LMBR1: variants seen among roughly 807,000 people sequenced by gnomAD.
LMBR1 encodes the protein limb development membrane protein 1.
A neutral mutation model predicts 73.9 loss-of-function variants in LMBR1; 52 were observed. The observed-to-expected ratio is 0.70, with a 90% CI of 0.56 to 0.89. The LOEUF is 0.89. Ranked by LOEUF, LMBR1 falls within the 40% of genes least tolerant of loss-of-function variation. LMBR1 has a pLI of 0.00. For synonymous variants in LMBR1, 215 were observed against 209.4 expected, an observed-to-expected ratio of 1.03 and a Z score of -0.23; for missense variants, 539 against 579.8, an observed-to-expected ratio of 0.93 and a Z score of 0.72.
intron 9 of LMBR1, among the ~76,000 whole-genome samples, chr7:156,754,047 T>C (rs1264816716): frequency 6.6e-6 from 1 of 152,196 alleles, no homozygotes; most frequent in Non-Finnish European, 1.5e-5. Context: ...TAGTGCTTAA[T>C]TAAGATCCGT....
In LMBR1 at chr7:156,839,014, C is replaced by T. The variant is rs1163337670; in HGVS notation, c.67-2129G>A. 2.3e-5 allele frequency among the ~76,000 whole-genome samples: 3 copies of T among 133,276 alleles called. No homozygotes were observed. In the East Asian group the frequency reaches 6.5e-4, roughly 29 times the overall value. The allele number at this position is 133,276 out of a possible 152,430, so 87.4% of individuals were successfully genotyped here. ...ATATACCTATTGGCCATCTGTATGT[C>T]TTCTTTTGAGAAATATCTATTCTAG... On this transcript the variant is annotated intron_variant, in intron 1 of 16. Transcript: ENST00000353442.
chr7:156,745,804 G>A (rs963592582), intron 9 of LMBR1, among the ~76,000 whole-genome samples: 4 of 152,154 alleles, frequency 2.6e-5, no homozygotes, highest in Non-Finnish European at 5.9e-5. Flanking sequence ...GACAGCAATC[G>A]AATACCCTCT....
At chr7:156,687,805 G>A (rs771771060) in intron 16 of LMBR1, among the ~76,000 whole-genome samples, 3 of 152,088 alleles carry the variant, frequency 2.0e-5, no homozygotes, top group East Asian at 1.9e-4. Flanking sequence ...AATTATTTCC[G>A]TTGATCTTCA....
intron 15 of LMBR1, among the ~76,000 whole-genome samples, chr7:156,693,708 C>CA (rs1370557422): frequency 1.3e-5 from 2 of 152,160 alleles, no homozygotes; most frequent in African/African-American, 2.4e-5. Flanking sequence ...TTCAACCAGA[C>CA]AATTCAAAGA....
chr7:156,847,830 A>C (rs1586203434), intron 1 of LMBR1, among the ~76,000 whole-genome samples: 1 of 152,236 alleles, frequency 6.6e-6, no homozygotes, highest in South Asian at 2.1e-4. Flanking sequence ...ACAAAATGGC[A>C]CAGCCACTTT....
intron 1 of LMBR1, among the ~76,000 whole-genome samples, chr7:156,855,109 A>G (rs374236893): frequency 5.6e-4 from 85 of 152,310 alleles, no homozygotes; most frequent in African/African-American, 1.9e-3. Flanking sequence ...TATGACAGAG[A>G]TTTGGGGATT....
At chr7:156,732,720 G>A (rs1327027394) in intron 10 of LMBR1, among the ~76,000 whole-genome samples, 2 of 152,148 alleles carry the variant, frequency 1.3e-5, no homozygotes, top group African/African-American at 4.8e-5. Context: ...CTGAGCAGTG[G>A]GGAATACTTA....
rs71923215 is a variant in LMBR1 at position 156,844,615 on chromosome 7, G to GA, written c.67-7731dup. 4.8e-3 allele frequency among the ~76,000 whole-genome samples: 622 copies of GA among 128,422 alleles called. 2 individuals are homozygous for GA. Among genetic ancestry groups the GA allele is most frequent in the African/African-American group, 0.013 (469 of 34,782 alleles). 84.2% of individuals were successfully genotyped at this position (128,422 alleles called of 152,430 possible). A position where few individuals can be genotyped will look rare whatever the true frequency, so the allele number is the denominator to read the frequency against. ...CACTAAAAGTGAAGTACACCTGAAT[G>GA]AAAAAAAAAAAAAAAAAGATGGGCT... On this transcript the variant is annotated intron_variant, in intron 1 of 16. Coordinates refer to ENST00000353442, the MANE Select transcript of LMBR1 (RefSeq NM_022458.4).
intron 1 of LMBR1, among the ~76,000 whole-genome samples, chr7:156,885,580 C>T (rs927955412): frequency 2.0e-5 from 3 of 151,608 alleles, no homozygotes; most frequent in Admixed American, 6.6e-5. Context: ...GGAAATAACC[C>T]GTCCATACAA....
At chr7:156,774,549 C>G (rs1376677799) in intron 5 of LMBR1, among the ~76,000 whole-genome samples, 1 of 152,164 alleles carries the variant, frequency 6.6e-6, no homozygotes, top group Non-Finnish European at 1.5e-5. Flanking sequence ...CAAATGAGAT[C>G]AGCCGGGTGA....
chr7:156,760,177 T>A (rs77246691), intron 8 of LMBR1, among the ~76,000 whole-genome samples: 4,815 of 152,214 alleles, frequency 0.032, 121 homozygotes, highest in South Asian at 0.084. Flanking sequence ...AGTTAAACTT[T>A]AAAATGGAGA....
chr7:156,698,385 G>C (rs1808806978), intron 15 of LMBR1, among the ~76,000 whole-genome samples: 1 of 152,234 alleles, frequency 6.6e-6, no homozygotes, highest in Non-Finnish European at 1.5e-5. Flanking sequence ...GGGACTCCGT[G>C]TGGGGGCTCT....
At chr7:156,880,275 C>T (rs1800880789) in intron 1 of LMBR1, among the ~76,000 whole-genome samples, 1 of 152,122 alleles carries the variant, frequency 6.6e-6, no homozygotes, top group South Asian at 2.1e-4. Context: ...CATGTTCTCA[C>T]TCATAAGTGG....
chr7:156,729,418 G>GATAT (rs10676443), intron 10 of LMBR1, among the ~76,000 whole-genome samples: 8,746 of 146,898 alleles, frequency 0.06, 335 homozygotes, highest in African/African-American at 0.1. Flanking sequence ...TCTACATATT[G>GATAT]ATATATATAT....
intron 16 of LMBR1, among the ~76,000 whole-genome samples, chr7:156,687,192 TA>T (rs374113515): frequency 1.3e-5 from 2 of 152,212 alleles, no homozygotes; most frequent in African/African-American, 4.8e-5. Context: ...TGTGGCCTTT[TA>T]CAATAGCTAA....
intron 15 of LMBR1, among the ~76,000 whole-genome samples, chr7:156,709,893 T>C (rs1811706882): frequency 6.8e-6 from 1 of 146,228 alleles, no homozygotes; most frequent in Admixed American, 7.1e-5. Flanking sequence ...ATTCAGAAGG[T>C]TGATTTTTTT....
At chr7:156,826,361 A>C (rs532258685) in intron 4 of LMBR1, among the ~76,000 whole-genome samples, 2 of 152,332 alleles carry the variant, frequency 1.3e-5, no homozygotes, top group South Asian at 2.1e-4. Flanking sequence ...TACTGAAATG[A>C]AAATGTATTT....
intron 5 of LMBR1, among the ~76,000 whole-genome samples, chr7:156,765,641 C>T (rs1483615550): frequency 6.6e-6 from 1 of 152,124 alleles, no homozygotes; most frequent in East Asian, 1.9e-4. Context: ...CTTTTTATTA[C>T]ACACTAAATA....
chr7:156,883,400 GA>G (rs200896988), intron 1 of LMBR1, among the ~76,000 whole-genome samples: 4 of 145,948 alleles, frequency 2.7e-5, no homozygotes, highest in South Asian at 2.2e-4. Context: ...CTCCATCTCA[GA>G]AAAAAAAAAG....
Sources: allele counts gnomAD v4.1 joint callset (sites outside exome capture counted in the v4.1 genomes callset), GRCh38; gene constraint gnomAD v4.1.1; transcripts MANE v1.5; gene names NCBI Gene and HGNC (gene_info 2026-07-23, HGNC 2026-07-21).